The following COL24A1 variants were observed in gnomAD, a reference collection of about 807,000 sequenced individuals.
COL24A1 encodes the protein collagen type XXIV alpha 1 chain.
Under a neutral mutation model 253.9 loss-of-function variants are expected in COL24A1, and 224 were observed. The ratio of observed to expected loss-of-function variants is 0.88; its 90% CI spans 0.79 to 0.99. COL24A1 has a LOEUF of 0.99. COL24A1 is among the 50% of genes least tolerant of loss of function. COL24A1 has a pLI of 0.00. For missense variants in COL24A1, 2,131 were observed against 2,068.5 expected, an observed-to-expected ratio of 1.03 and a Z score of -0.59; for synonymous variants, 685 against 673.7, an observed-to-expected ratio of 1.02 and a Z score of -0.26.
intron 24 of COL24A1, 143 bp downstream of exon 24, chr1:85,961,106 C>T (rs1379666708): frequency 3.1e-6 from 2 of 653,540 alleles, no homozygotes; most frequent in African/African-American, 1.9e-5. Flanking sequence ...CCAGCAGAAA[C>T]ATCACAAGTA....
chr1:86,027,277 C>A (rs931228070), intron 14 of COL24A1, among the ~76,000 whole-genome samples: 3 of 152,084 alleles, frequency 2.0e-5, no homozygotes, highest in African/African-American at 7.2e-5. Flanking sequence ...TAATGAGAAG[C>A]CAAGTGTTAA....
At chr1:86,045,862 A>C (rs977442387) in intron 12 of COL24A1, 1 of 443,876 alleles carries the variant, frequency 2.3e-6, no homozygotes, top group African/African-American at 2.0e-5. Flanking sequence ...ATGAAGAAAC[A>C]ATTCATGCCT....
chr1:85,742,285 C>T (rs1272602128), intron 57 of COL24A1, among the ~76,000 whole-genome samples: 1 of 151,868 alleles, frequency 6.6e-6, no homozygotes. Context: ...GTGCGTGCCA[C>T]CACACCCGGC....
At position 85,730,651 on chromosome 1, in the gene COL24A1, G is replaced by T. The variant is rs558724515; in HGVS notation, c.5040C>A (p.His1680Gln). ...GSWHKATFLF[H>Q]TQEPNQLPVI... ...CTGGAAGTTGATTAGGTTCCTGGGT[G>T]TGAAAAAGAAATGTTGCCTTATGCC... Residue 1680 changes from histidine to glutamine, a missense_variant, in exon 60 of 60, where the codon CAC (histidine) becomes CAA (glutamine). By Grantham distance (24) the His-to-Gln change is conservative. Transcript: ENST00000370571. 5.0e-6 allele frequency: 8 copies of T among 1,613,998 alleles called. No individual in the cohort carries two copies. Among genetic ancestry groups the T allele is most frequent in the Non-Finnish European group, 6.8e-6 (8 of 1,179,900 alleles).
At chr1:86,086,245 A>C (rs1703055415) in intron 7 of COL24A1, among the ~76,000 whole-genome samples, 1 of 152,136 alleles carries the variant, frequency 6.6e-6, no homozygotes, top group African/African-American at 2.4e-5. Flanking sequence ...AGGTACACAG[A>C]TATACTTAAA....
intron 7 of COL24A1, among the ~76,000 whole-genome samples, chr1:86,064,364 C>T (rs1471186297): frequency 6.6e-6 from 1 of 152,074 alleles, no homozygotes; most frequent in East Asian, 1.9e-4. Flanking sequence ...AAATCTTAAT[C>T]TCTATAAATT....
At position 86,156,331 on chromosome 1, in the gene COL24A1, G is replaced by A; in HGVS notation, c.56+10C>T. ...TAACCCCTACCCTACCCGGCGGGTGGGCTACTTACGTTTTTGCCGTGGGGG... is the reference window on the plus strand; with the variant it reads ...TAACCCCTACCCTACCCGGCGGGTGAGCTACTTACGTTTTTGCCGTGGGGG... On this transcript the variant is annotated intron_variant, in intron 1 of 59. Transcript: ENST00000370571. 1 of 1,612,294 alleles carries A rather than the reference G, an allele frequency of 6.2e-7. No homozygotes were observed. The highest frequency in any genetic ancestry group is 8.5e-7 in the Non-Finnish European group (1 of 1,179,184).
At chr1:85,754,727 A>G (rs1410307623) in intron 55 of COL24A1, among the ~76,000 whole-genome samples, 1 of 152,214 alleles carries the variant, frequency 6.6e-6, no homozygotes, top group East Asian at 1.9e-4. Context: ...TTCCATAGGC[A>G]GAAGTAAGCA....
Position 85,874,629 on chromosome 1 carries a change from A to G in COL24A1, c.3138+20T>C. ...AAGAAGTGGGTTAGTGTATTAAAAG[A>G]GTTTCAAGGGGGCACTCACCCGTAA... is the stretch of plus-strand genomic sequence containing the variant. On this transcript the variant is annotated intron_variant, in intron 35 of 59. Transcript: ENST00000370571. The G allele has an allele frequency of 6.2e-7, 1 of 1,610,632 alleles. No individual in the cohort carries two copies. The highest frequency in any genetic ancestry group is 8.5e-7 in the Non-Finnish European group (1 of 1,178,664).
chr1:85,857,475 A>G (rs868428563), intron 37 of COL24A1, among the ~76,000 whole-genome samples: 4 of 142,462 alleles, frequency 2.8e-5, no homozygotes, highest in African/African-American at 1.0e-4. Context: ...AAAAAAAAAG[A>G]AAAAAAAAAA....
intron 32 of COL24A1, among the ~76,000 whole-genome samples, chr1:85,884,310 G>A (rs1172770782): frequency 6.6e-6 from 1 of 152,056 alleles, no homozygotes; most frequent in African/African-American, 2.4e-5. Context: ...CCTTTAATGT[G>A]ATATTTGATA....
intron 32 of COL24A1, among the ~76,000 whole-genome samples, chr1:85,886,906 C>T (rs902503612): frequency 4.6e-5 from 7 of 152,114 alleles, no homozygotes; most frequent in African/African-American, 1.7e-4. Flanking sequence ...TTTGGCTGCT[C>T]TCTTTGTCTG....
At chr1:86,097,862 G>A in intron 5 of COL24A1, among the ~76,000 whole-genome samples, 1 of 152,032 alleles carries the variant, frequency 6.6e-6, no homozygotes, top group East Asian at 1.9e-4. Context: ...CTGAACTCCA[G>A]ATCCAAATCC....
intron 5 of COL24A1, among the ~76,000 whole-genome samples, chr1:86,109,329 T>TG (rs1553136747): frequency 6.6e-6 from 1 of 151,762 alleles, no homozygotes; most frequent in Non-Finnish European, 1.5e-5. Flanking sequence ...TGAGAAATTT[T>TG]GGAAATTTAG....
intron 12 of COL24A1, chr1:86,045,740 G>A: frequency 3.0e-6 from 1 of 337,264 alleles, no homozygotes; most frequent in South Asian, 2.7e-5. Context: ...GTAAATGCAG[G>A]GAAACAAAAT....
intron 2 of COL24A1, among the ~76,000 whole-genome samples, chr1:86,127,121 G>A (rs1648434257): frequency 6.6e-6 from 1 of 151,926 alleles, no homozygotes; most frequent in Non-Finnish European, 1.5e-5. Context: ...GATAATTCCC[G>A]GACAAAAGAA....
rs746166023 is a variant in COL24A1 at position 85,970,250 on chromosome 1, C to A, written c.2440G>T (p.Ala814Ser). ...ACTCTTGGCCCCAGTTCCCCAAAGGCTCCAATTGGTCCTTCTTCTCCCTTA... is the reference window on the plus strand; with the variant it reads ...ACTCTTGGCCCCAGTTCCCCAAAGGATCCAATTGGTCCTTCTTCTCCCTTA... ...GTQGEEGPIG[A>S]FGELGPRGKP... Residue 814 changes from alanine (A) to serine (S), a missense_variant, in exon 22 of 60, where the codon GCC (alanine) becomes TCC (serine). By Grantham distance (99) the Ala-to-Ser change is moderately conservative. Coordinates refer to ENST00000370571, the MANE Select transcript of COL24A1 (RefSeq NM_152890.7). The A allele has an allele frequency of 3.8e-6, 6 of 1,595,010 alleles. No homozygotes were observed. The highest frequency in any genetic ancestry group is 3.5e-5 in the Admixed American group (2 of 57,830).
At chr1:85,954,878 T>A (rs749499899) in intron 24 of COL24A1, among the ~76,000 whole-genome samples, 1 of 152,176 alleles carries the variant, frequency 6.6e-6, no homozygotes, top group South Asian at 2.1e-4. Flanking sequence ...TATACTACAG[T>A]TCTTCCTGCA....
At chr1:86,135,201 G>A (rs1475388819) in intron 2 of COL24A1, among the ~76,000 whole-genome samples, 6 of 151,916 alleles carry the variant, frequency 3.9e-5, no homozygotes, top group Admixed American at 1.3e-4. Flanking sequence ...CCATTTGCTT[G>A]GTAGATCTTC....
Sources: allele counts gnomAD v4.1 joint callset (sites outside exome capture counted in the v4.1 genomes callset), GRCh38; gene constraint gnomAD v4.1.1; transcripts MANE v1.5; gene names NCBI Gene and HGNC (gene_info 2026-07-23, HGNC 2026-07-21).